Variants in MPZL3 observed in about 807,000 individuals in gnomAD.
The protein encoded by MPZL3 is myelin protein zero like 3.
In MPZL3, 23 loss-of-function variants were observed where a neutral mutation model predicts 24.8. That is an observed-to-expected ratio of 0.93 (90% CI 0.67 to 1.31). The LOEUF (loss-of-function observed/expected upper bound fraction) is 1.31, where lower values mean the gene tolerates loss of function less well. Ranked by LOEUF, MPZL3 falls within the 40% of genes most tolerant of loss-of-function variation. The pLI, the probability that MPZL3 is intolerant of heterozygous loss-of-function variation, is 0.00. For synonymous variants in MPZL3, 99 were observed against 106.5 expected (o/e 0.93, Z 0.44); for missense variants, 277 against 294.9 (o/e 0.94, Z 0.44).
chr11:118,242,035 A>T (rs866939250), intron 1 of MPZL3, among the ~76,000 whole-genome samples: 3 of 152,190 alleles, frequency 2.0e-5, no homozygotes, highest in Non-Finnish European at 4.4e-5. Context: ...ATCACTCAAG[A>T]TCTAGCTCTA....
chr11:118,236,744 AC>A (rs1376512505), intron 3 of MPZL3, among the ~76,000 whole-genome samples: 4 of 152,236 alleles, frequency 2.6e-5, no homozygotes, highest in African/African-American at 9.6e-5. Context: ...AGAGATAACA[AC>A]CCTATATTTA....
At chr11:118,249,231 T>C (rs1266201417) in intron 1 of MPZL3, among the ~76,000 whole-genome samples, 1 of 152,202 alleles carries the variant, frequency 6.6e-6, no homozygotes, top group East Asian at 1.9e-4. Context: ...GCTTTTGGAA[T>C]GCAAGGAACA....
Position 118,246,562 on chromosome 11 carries a change from C to T in MPZL3, c.73+5660G>A, listed in dbSNP as rs949571576. Among the ~76,000 whole-genome samples the T allele has an allele frequency of 2.1e-5, 3 of 144,066 alleles. No homozygotes were observed. The Admixed American group carries it at 2.1e-4, about 10-fold the overall frequency. The allele number at this position is 144,066 out of a possible 152,430, so 94.5% of individuals were successfully genotyped here. A position where few individuals can be genotyped will look rare whatever the true frequency, so the allele number is the denominator to read the frequency against. On this transcript the variant is annotated intron_variant, in intron 1 of 5. Coordinates refer to ENST00000278949, the MANE Select transcript of MPZL3 (RefSeq NM_198275.3). ...GAGATTGTGAAAAGTGTATGGGCCACTTTTCTTTTCTTTTTTTCTTTTCTT... is the reference window on the plus strand; with the variant it reads ...GAGATTGTGAAAAGTGTATGGGCCATTTTTCTTTTCTTTTTTTCTTTTCTT...
rs1793140 is a variant in MPZL3, at chr11:118,237,090, A to G, written c.411T>C (p.His137=). 1,202,944 of 1,613,544 alleles carry G rather than the reference A, an allele frequency of 0.75. 450,299 individuals are homozygous for G. The highest frequency in any genetic ancestry group is 0.91 in the African/African-American group (68,015 of 74,938). The change falls in exon 3 of 6, where the codon CAT becomes CAC. Residue 137 remains histidine (H), a synonymous_variant. Coordinates refer to ENST00000278949, the MANE Select transcript of MPZL3 (RefSeq NM_198275.3). ...SCAVKNPPDV[H]HNIPMTELTV... ...TTAGCTCTGTCATGGGAATATTATG[A>G]TGCACATCTGGGGGATTCTTCACAG... is the stretch of plus-strand genomic sequence containing the variant.
intron 1 of MPZL3, 33 bp downstream of exon 1, chr11:118,252,189 C>A (rs1378170008): frequency 1.9e-6 from 3 of 1,610,688 alleles, no homozygotes; most frequent in Non-Finnish European, 2.5e-6. Flanking sequence ...ACCCCCCGGC[C>A]GGAAGTGGAG....
intron 4 of MPZL3, among the ~76,000 whole-genome samples, chr11:118,234,394 G>A (rs1443739444): frequency 6.6e-6 from 1 of 152,156 alleles, no homozygotes; most frequent in East Asian, 1.9e-4. Flanking sequence ...TATTTCAGCT[G>A]GGTCTTGGAG....
chr11:118,233,645 G>T, intron 4 of MPZL3, 122 bp from the exon 5 acceptor site: 2 of 978,580 alleles, frequency 2.0e-6, no homozygotes, highest in Non-Finnish European at 1.6e-6. Context: ...CCACTCACTA[G>T]CTGGGTGACT....
At chr11:118,237,654 G>A (rs1949444465) in intron 2 of MPZL3, among the ~76,000 whole-genome samples, 1 of 152,110 alleles carries the variant, frequency 6.6e-6, no homozygotes, top group Non-Finnish European at 1.5e-5. Context: ...GCACAGGACA[G>A]CACCCACAGC....
intron 5 of MPZL3, among the ~76,000 whole-genome samples, chr11:118,230,792 C>A (rs1361206420): frequency 6.6e-6 from 1 of 152,106 alleles, no homozygotes; most frequent in African/African-American, 2.4e-5. Flanking sequence ...ATCTATTTGG[C>A]CTTCCCTATT....
intron 2 of MPZL3, among the ~76,000 whole-genome samples, chr11:118,239,404 GT>G (rs770173604): frequency 2.6e-5 from 4 of 152,140 alleles, no homozygotes; most frequent in African/African-American, 4.8e-5. Context: ...CATTTTTCCA[GT>G]GAAGGAAATG....
rs144095475 is a variant in MPZL3 at position 118,240,326 on chromosome 11, C to T, written c.125G>A (p.Gly42Asp). 7.8e-5 allele frequency: 126 copies of T among 1,608,378 alleles called. No homozygotes were observed. The highest frequency in any genetic ancestry group is 1.5e-4 in the Admixed American group (9 of 58,498). Residue 42 changes from glycine (G) to aspartate (D), a missense_variant, in exon 2 of 6, where the codon GGT becomes GAT. Physicochemically the swap from Gly to Asp is moderately conservative, Grantham distance 94. Coordinates refer to ENST00000278949, the MANE Select transcript of MPZL3 (RefSeq NM_198275.3). The part of the protein sequence containing the change: ...LEIRADAHVR[G>D]YVGEKIKLKC... ...CAACTTGATCTTTTCTCCAACATAA[C>T]CTCGGACATGGGCATCTGCACGAAT... is the stretch of plus-strand genomic sequence containing the variant.
rs1276009348 is a variant in MPZL3 at position 118,229,367 on chromosome 11, T to G, written c.*527A>C. 2 of 153,054 alleles carry G rather than the reference T, an allele frequency of 1.3e-5. No homozygotes were observed. The highest frequency in any genetic ancestry group is 2.9e-5 in the Non-Finnish European group (2 of 68,560). The allele number at this position is 153,054 out of a possible 1,614,324, so 9.5% of individuals were successfully genotyped here. ...TAAGTTATCCAAACACAACTGAGGT[T>G]GAGGTCATTAAACCGGTAAGTATAC... is the stretch of plus-strand genomic sequence containing the variant. On this transcript the variant is annotated 3_prime_UTR_variant, in exon 6 of 6. Transcript: ENST00000278949.
chr11:118,229,671 G>A lies in MPZL3; in HGVS notation c.*223C>T. 1 of 426,230 alleles carries A rather than the reference G, an allele frequency of 2.3e-6. No homozygotes were observed. The highest frequency in any genetic ancestry group is 5.9e-5 in the South Asian group (1 of 17,078). The allele number at this position is 426,230 out of a possible 1,614,324, so 26.4% of individuals were successfully genotyped here. ...CAATTACAGCATAATTCATTGAAAG[G>A]GGAAGTCATGAGTCTCTTATGAGAG... On this transcript the variant is annotated 3_prime_UTR_variant, in exon 6 of 6. Coordinates refer to ENST00000278949, the MANE Select transcript of MPZL3 (RefSeq NM_198275.3).
intron 1 of MPZL3, among the ~76,000 whole-genome samples, chr11:118,248,070 C>CTTTTTTTTT (rs60335848): frequency 1.0e-4 from 10 of 99,018 alleles, no homozygotes; most frequent in Admixed American, 2.7e-4. Flanking sequence ...ACAGTTTCCT[C>CTTTTTTTTT]TTTTTTTTTT....
intron 2 of MPZL3, among the ~76,000 whole-genome samples, chr11:118,238,069 G>A (rs533322550): frequency 3.9e-5 from 6 of 152,100 alleles, no homozygotes; most frequent in South Asian, 2.1e-4. Flanking sequence ...CCCAGGAGGC[G>A]GAGATTGCAG....
chr11:118,234,383 C>T (rs984242036), intron 4 of MPZL3, among the ~76,000 whole-genome samples: 1 of 152,048 alleles, frequency 6.6e-6, no homozygotes, highest in African/African-American at 2.4e-5. Context: ...AGAGAAGGGG[C>T]TATTTCAGCT....
At chr11:118,249,901 A>G (rs1271238178) in intron 1 of MPZL3, among the ~76,000 whole-genome samples, 1 of 152,248 alleles carries the variant, frequency 6.6e-6, no homozygotes, top group African/African-American at 2.4e-5. Flanking sequence ...ATAAGATTTA[A>G]AACACCAAAC....
intron 1 of MPZL3, among the ~76,000 whole-genome samples, chr11:118,246,577 TTTCTTTTC>T (rs1422226283): frequency 8.7e-6 from 1 of 115,418 alleles, no homozygotes; most frequent in African/African-American, 3.7e-5. Context: ...CTTTTCTTTT[TTTCTTTTC>T]TTTTTTTTTT....
intron 4 of MPZL3, among the ~76,000 whole-genome samples, chr11:118,233,949 C>T (rs1445221826): frequency 2.0e-5 from 3 of 152,188 alleles, no homozygotes; most frequent in Admixed American, 6.5e-5. Flanking sequence ...GCCAAGATTA[C>T]ACCACTGCAC....
Sources: allele counts gnomAD v4.1 joint callset (sites outside exome capture counted in the v4.1 genomes callset), GRCh38; gene constraint gnomAD v4.1.1; transcripts MANE v1.5; gene names NCBI Gene and HGNC (gene_info 2026-07-23, HGNC 2026-07-21).